The following OPRM1 variants were observed in gnomAD, a reference collection of about 807,000 sequenced individuals.
The protein encoded by OPRM1 is opioid receptor mu 1.
Under a neutral mutation model 31.8 loss-of-function variants are expected in OPRM1, and 27 were observed. That is an observed-to-expected ratio of 0.85 (90% CI 0.63 to 1.17). The LOEUF is 1.17. Among genes scored for constraint, OPRM1 ranks in the 50% most tolerant of loss-of-function variants. The pLI, the probability that OPRM1 is intolerant of heterozygous loss-of-function variation, is 0.00. For synonymous variants in OPRM1, 196 were observed against 189.9 expected (o/e 1.03, Z -0.26); for missense variants, 536 against 511.1 (o/e 1.05, Z -0.47).
chr6:154,039,435 A>G lies in OPRM1; in HGVS notation c.-110A>G. 6.4e-7 allele frequency: 1 copy of G among 1,551,634 alleles called. No homozygotes were observed. The stretch of plus-strand genomic sequence containing the variant: ...GCCAGGACTGGTTTCTGTAAGAAAC[A>G]GCAGGAGCTGTGGCAGCGGCGAAAG... On this transcript the variant is annotated 5_prime_UTR_variant, in exon 1 of 4. Transcript: ENST00000330432.
chr6:154,161,196 A>G (rs1798986600), intron 3 of OPRM1, among the ~76,000 whole-genome samples: 1 of 148,706 alleles, frequency 6.7e-6, no homozygotes, highest in Admixed American at 6.7e-5. Flanking sequence ...TCTTTACCCA[A>G]TTTTTTTCTT....
In OPRM1 at chr6:154,125,670, C is replaced by T. The variant is rs991101931; in HGVS notation, c.*6949C>T. Reference sequence around the variant, plus strand: ...TTTGCAATTTGATTTTTGAAAGGACCTAAAAGTTGAAAACAGGCTATCACA... The same window carrying T: ...TTTGCAATTTGATTTTTGAAAGGACTTAAAAGTTGAAAACAGGCTATCACA... On this transcript the variant is annotated 3_prime_UTR_variant, in exon 4 of 4. Coordinates refer to ENST00000330432, the MANE Select transcript of OPRM1 (RefSeq NM_000914.5). Among the ~76,000 whole-genome samples, 1 of 152,110 alleles carries T rather than the reference C, an allele frequency of 6.6e-6. No individual in the cohort carries two copies. The highest frequency in any genetic ancestry group is 2.4e-5 in the African/African-American group (1 of 41,396).
chr6:154,235,547 A>AT lies in OPRM1; in HGVS notation c.1165-11146_1165-11145insT, dbSNP rs1554297359. ...ACTCTGTCACAAAAAAAAAAAAAAA[A>AT]AAAAGTAATGAAGACAAAGTTAAGT... On this transcript the variant is annotated intron_variant, in intron 3 of 3. Transcript: ENST00000337049. Among the ~76,000 whole-genome samples, 1,329 of 149,816 alleles carry AT rather than the reference A, an allele frequency of 8.9e-3. 52 individuals carry two copies. In the East Asian group the frequency reaches 0.13, roughly 14 times the overall value.
At chr6:154,021,387 A>G (rs58049392) in intron 1 of OPRM1, among the ~76,000 whole-genome samples, 13,512 of 152,192 alleles carry the variant, frequency 0.089, 1,068 homozygotes, top group African/African-American at 0.21. Flanking sequence ...CTTGAAGTCG[A>G]ATAGTGACAG....
At chr6:154,020,477 T>C (rs1778299980) in intron 1 of OPRM1, among the ~76,000 whole-genome samples, 1 of 152,164 alleles carries the variant, frequency 6.6e-6, no homozygotes, top group African/African-American at 2.4e-5. Flanking sequence ...AAAATCACAA[T>C]ATAATTCTGG....
chr6:154,192,407 A>G (rs1242595784), intron 3 of OPRM1, among the ~76,000 whole-genome samples: 1 of 151,930 alleles, frequency 6.6e-6, no homozygotes, highest in African/African-American at 2.4e-5. Flanking sequence ...ACACTCTTCT[A>G]TGTATATGAT....
chr6:154,190,382 T>C (rs1346923715), intron 3 of OPRM1, among the ~76,000 whole-genome samples: 1 of 152,130 alleles, frequency 6.6e-6, no homozygotes, highest in Non-Finnish European at 1.5e-5. Context: ...AAAGAAGGCA[T>C]ATAAATAGCA....
rs549656859 is a variant in OPRM1, at chr6:154,245,325, C to T, written c.1165-1368C>T. Among the ~76,000 whole-genome samples the T allele has an allele frequency of 2.9e-3, 437 of 151,984 alleles. 2 individuals carry two copies. The highest frequency in any genetic ancestry group is 0.01 in the African/African-American group (417 of 41,426). ...TATTTTTATGGAACCCAAAGAGGAG[C>T]TTTGTGCCACATTTTTCATGAGGTG... On this transcript the variant is annotated intron_variant, in intron 3 of 3. Coordinates refer to the OPRM1 transcript ENST00000337049.
chr6:154,075,180 T>C (rs556802889), intron 1 of OPRM1, among the ~76,000 whole-genome samples: 2 of 152,182 alleles, frequency 1.3e-5, no homozygotes, highest in African/African-American at 4.8e-5. Flanking sequence ...TAGAGTAACA[T>C]TTTCAAAGTG....
intron 3 of OPRM1, chr6:154,199,967 G>T: frequency 1.9e-6 from 3 of 1,614,158 alleles, no homozygotes; most frequent in Non-Finnish European, 2.5e-6. Flanking sequence ...TGTCTTCACT[G>T]TATTTTCCAG....
intron 2 of OPRM1, 74 bp downstream of exon 2, chr6:154,090,252 T>A: frequency 1.0e-6 from 1 of 968,592 alleles, no homozygotes; most frequent in Non-Finnish European, 1.6e-6. Flanking sequence ...AGCAAAGCAG[T>A]ATTTATGGAG....
chr6:154,100,972 G>A lies in OPRM1; in HGVS notation c.1164+9500G>A, dbSNP rs187163519. ...ATATACACACATATATAAAATTCAA[G>A]TTTTCTATACCTAAGTCCCTTGAAG... On this transcript the variant is annotated intron_variant, in intron 3 of 3. Coordinates refer to ENST00000330432, the MANE Select transcript of OPRM1 (RefSeq NM_000914.5). Among the ~76,000 whole-genome samples, 489 of 149,118 alleles carry A rather than the reference G, an allele frequency of 3.3e-3. 1 individual carries two copies. The highest frequency in any genetic ancestry group is 5.8e-3 in the Non-Finnish European group (394 of 67,362).
chr6:154,083,515 A>G (rs551848705), intron 1 of OPRM1: 4 of 151,380 alleles, frequency 2.6e-5, no homozygotes, highest in African/African-American at 9.7e-5. Context: ...TGAGAAAGCA[A>G]CTTCCCCTTG....
intron 1 of OPRM1, 192 bp from the exon 2 acceptor site, chr6:154,089,634 T>C: frequency 1.7e-6 from 1 of 579,122 alleles, no homozygotes; most frequent in Non-Finnish European, 3.0e-6. Flanking sequence ...TCGTTGCTAT[T>C]ATTGCAGCTA....
rs140384241 is a variant in OPRM1 at position 154,146,535 on chromosome 6, C to T, written c.1164+55063C>T. Among the ~76,000 whole-genome samples, 408 of 152,314 alleles carry T rather than the reference C, an allele frequency of 2.7e-3. 1 individual carries two copies. Among genetic ancestry groups the T allele is most frequent in the African/African-American group, 9.3e-3 (385 of 41,572 alleles). On this transcript the variant is annotated intron_variant, in intron 3 of 3. Transcript: ENST00000337049. The stretch of plus-strand genomic sequence containing the variant: ...ATATAATGGAGTACTTTGTGCATAA[C>T]ATATAAAATCAGTATTGAAAATATG...
chr6:154,116,597 A>G (rs891813497), intron 3 of OPRM1, among the ~76,000 whole-genome samples: 9 of 151,616 alleles, frequency 5.9e-5, no homozygotes, highest in African/African-American at 9.7e-5. Flanking sequence ...AAAAAAAAAA[A>G]AAAGAAAAGA....
chr6:154,067,605 G>T (rs1785721312), intron 1 of OPRM1, among the ~76,000 whole-genome samples: 1 of 151,864 alleles, frequency 6.6e-6, no homozygotes, highest in Non-Finnish European at 1.5e-5. Flanking sequence ...TGTTCCATGT[G>T]CATGTAAGAG....
intron 3 of OPRM1, among the ~76,000 whole-genome samples, chr6:154,213,767 G>A (rs1778154466): frequency 6.6e-6 from 1 of 152,172 alleles, no homozygotes; most frequent in African/African-American, 2.4e-5. Context: ...AATATGGCCT[G>A]TGTCCCAGTA....
intron 3 of OPRM1, among the ~76,000 whole-genome samples, chr6:154,110,655 G>A (rs1025687826): frequency 1.3e-5 from 2 of 152,064 alleles, no homozygotes; most frequent in African/African-American, 4.8e-5. Context: ...TTGGGAGACC[G>A]AAGTGGGTGG....
Sources: gnomAD v4.1 joint callset for allele counts (sites outside exome capture counted in the v4.1 genomes callset) on GRCh38, gnomAD v4.1.1 for gene constraint, MANE v1.5 for transcripts, NCBI Gene and HGNC (gene_info 2026-07-23, HGNC 2026-07-21) for gene names.